CALY: variants seen among roughly 807,000 people sequenced by gnomAD.
CALY encodes the protein neuron-specific vesicular protein calcyon.
Under a neutral mutation model 20.2 loss-of-function variants are expected in CALY, and 15 were observed. The ratio of observed to expected loss-of-function variants is 0.74; its 90% CI spans 0.50 to 1.14. CALY has a LOEUF of 1.14. Ranked by LOEUF, CALY falls within the 50% of genes most tolerant of loss-of-function variation. The pLI is 0.00. For synonymous variants in CALY, 129 were observed against 131.8 expected (o/e 0.98, Z 0.15); for missense variants, 270 against 304.4 (o/e 0.89, Z 0.84).
chr10:133,330,591 G>C (rs1262330262), intron 1 of CALY, among the ~76,000 whole-genome samples: 1 of 136,316 alleles, frequency 7.3e-6, no homozygotes, highest in Non-Finnish European at 1.6e-5. Context: ...CTGGGAGGCG[G>C]AGCTTGCAGT....
intron 1 of CALY, among the ~76,000 whole-genome samples, chr10:133,336,100 C>T (rs1326757233): frequency 6.6e-6 from 1 of 152,114 alleles, no homozygotes; most frequent in South Asian, 2.1e-4. Flanking sequence ...ATCTGAGGGT[C>T]CCGCCCAGCC....
chr10:133,331,466 T>C (rs938471697), intron 1 of CALY, among the ~76,000 whole-genome samples: 14 of 152,204 alleles, frequency 9.2e-5, no homozygotes, highest in Admixed American at 3.3e-4. Flanking sequence ...TACATTCCTA[T>C]ATGTCAGTGG....
chr10:133,328,826 AGGGCCCCCACGCT>A lies in CALY; in HGVS notation c.135+16_135+28del, dbSNP rs752542242. 1.3e-6 allele frequency: 2 copies of A among 1,529,054 alleles called. No homozygotes were observed. The highest frequency in any genetic ancestry group is 8.8e-7 in the Non-Finnish European group (1 of 1,138,334). The allele number at this position is 1,529,054 out of a possible 1,614,324, so 94.7% of individuals were successfully genotyped here. A position where few individuals can be genotyped will look rare whatever the true frequency, so the allele number is the denominator to read the frequency against. ...CCTTTGTTCCCAGGGGAGCCTGAGA[AGGGCCCCCACGCT>A]GGCCCAGGCCCTCACCTGGTCAGGG... On this transcript the variant is annotated intron_variant, in intron 2 of 5. Transcript: ENST00000252939.
intron 1 of CALY, among the ~76,000 whole-genome samples, chr10:133,332,486 A>T (rs1274506805): frequency 1.3e-5 from 2 of 152,240 alleles, no homozygotes; most frequent in Admixed American, 1.3e-4. Flanking sequence ...TAACCATAAA[A>T]GGAAATATTG....
chr10:133,336,659 C>G (rs1277780334), intron 1 of CALY, among the ~76,000 whole-genome samples, 175 bp downstream of exon 1: 1 of 152,162 alleles, frequency 6.6e-6, no homozygotes, highest in Non-Finnish European at 1.5e-5. Context: ...TGCACACTCG[C>G]ACCCGCACAC....
intron 1 of CALY, among the ~76,000 whole-genome samples, chr10:133,335,944 G>T (rs549979470): frequency 2.0e-5 from 3 of 152,188 alleles, no homozygotes; most frequent in African/African-American, 7.2e-5. Context: ...CAGGCTCTCA[G>T]TCGAAAGTCC....
intron 1 of CALY, among the ~76,000 whole-genome samples, chr10:133,334,719 G>T (rs373235715): frequency 6.6e-6 from 1 of 151,976 alleles, no homozygotes; most frequent in Non-Finnish European, 1.5e-5. Flanking sequence ...GCCGGTGAAC[G>T]AGGGCTGGGT....
chr10:133,334,028 GA>G (rs1848376555), intron 1 of CALY, among the ~76,000 whole-genome samples: 4 of 29,078 alleles, frequency 1.4e-4, no homozygotes, highest in Admixed American at 3.3e-4. Flanking sequence ...TCTGAGGGGG[GA>G]AGGATCTGAG....
rs59986083 is a variant in CALY, at chr10:133,330,350, CAAAA to C, written c.-20-1345_-20-1342del. On this transcript the variant is annotated intron_variant, in intron 1 of 5. Transcript: ENST00000252939. Reference sequence around the variant, plus strand: ...CCTAGGTGACAGAACGAAACTCTGCCAAAAAAAAAAAAAAAAAAAAAAAAAGGCA... The same window carrying C: ...CCTAGGTGACAGAACGAAACTCTGCCAAAAAAAAAAAAAAAAAAAAAGGCA... Among the ~76,000 whole-genome samples the C allele has an allele frequency of 6.8e-3, 249 of 36,776 alleles. 3 individuals are homozygous for C. In the East Asian group the frequency reaches 0.078, roughly 12 times the overall value. 24.1% of individuals were successfully genotyped at this position (36,776 alleles called of 152,430 possible).
intron 1 of CALY, among the ~76,000 whole-genome samples, chr10:133,330,590 G>A (rs1589853977): frequency 7.6e-6 from 1 of 131,864 alleles, no homozygotes; most frequent in South Asian, 2.7e-4. Context: ...CCTGGGAGGC[G>A]GAGCTTGCAG....
rs569773215 is a variant in CALY at position 133,336,014 on chromosome 10, A to G, written c.-21+820T>C. The stretch of plus-strand genomic sequence containing the variant: ...GCTTCCGCATGCGCCCCCCCCAACC[A>G]TGGAATGCTGCGTCACGCTGGGGGG... On this transcript the variant is annotated intron_variant, in intron 1 of 5. Coordinates refer to ENST00000252939, the MANE Select transcript of CALY (RefSeq NM_015722.4). Among the ~76,000 whole-genome samples, 28 of 151,726 alleles carry G rather than the reference A, an allele frequency of 1.8e-4. 1 individual carries two copies. In the South Asian group the frequency reaches 5.6e-3, roughly 30 times the overall value.
At chr10:133,336,767 G>GCCTCGCAC (rs2133388723) in intron 1 of CALY, 67 bp downstream of exon 1, 1 of 152,446 alleles carries the variant, frequency 6.6e-6, no homozygotes, top group East Asian at 2.0e-4. Context: ...CCGCACACGC[G>GCCTCGCAC]CCTCGCACCC....
chr10:133,331,594 A>T (rs1203619514), intron 1 of CALY, among the ~76,000 whole-genome samples: 1 of 152,218 alleles, frequency 6.6e-6, no homozygotes, highest in African/African-American at 2.4e-5. Flanking sequence ...CAGGGCCTTC[A>T]CATGGAATCC....
At chr10:133,330,348 G>GT (rs1848282506) in intron 1 of CALY, among the ~76,000 whole-genome samples, 1 of 45,804 alleles carries the variant, frequency 2.2e-5, no homozygotes, top group African/African-American at 8.5e-5. Context: ...ACGAAACTCT[G>GT]CCAAAAAAAA....
intron 1 of CALY, among the ~76,000 whole-genome samples, chr10:133,331,413 G>GA (rs1204258909): frequency 6.6e-6 from 1 of 152,208 alleles, no homozygotes; most frequent in Non-Finnish European, 1.5e-5. Context: ...ATCAAAAAGT[G>GA]AGTTTGGCAA....
chr10:133,331,613 C>G (rs1470310405), intron 1 of CALY, among the ~76,000 whole-genome samples: 1 of 152,198 alleles, frequency 6.6e-6, no homozygotes, highest in Non-Finnish European at 1.5e-5. Context: ...CCAGGAAACA[C>G]TGTCGACAGA....
At chr10:133,329,800 T>C (rs1848273617) in intron 1 of CALY, among the ~76,000 whole-genome samples, 1 of 152,240 alleles carries the variant, frequency 6.6e-6, no homozygotes, top group Non-Finnish European at 1.5e-5. Context: ...TCATTTTTAA[T>C]ATAAGAGCAT....
rs879486444 is a variant in CALY, at chr10:133,324,938, C to G, written c.*657G>C. 129 of 212,190 alleles carry G rather than the reference C, an allele frequency of 6.1e-4. No individual in the cohort carries two copies. Among genetic ancestry groups the G allele is most frequent in the Admixed American group, 1.6e-3 (30 of 18,416 alleles). The allele number at this position is 212,190 out of a possible 1,614,324, so 13.1% of individuals were successfully genotyped here. A position where few individuals can be genotyped will look rare whatever the true frequency, so the allele number is the denominator to read the frequency against. ...GGCCCCACTCCCCACTCAGACGCCC[C>G]CATTCACTCCTTTCTTCACTTGGTC... On this transcript the variant is annotated 3_prime_UTR_variant, in exon 6 of 6. Coordinates refer to ENST00000252939, the MANE Select transcript of CALY (RefSeq NM_015722.4).
In CALY at chr10:133,327,836, AC is replaced by A. The variant is rs755241205; in HGVS notation, c.246+68del. The A allele has an allele frequency of 3.8e-5, 40 of 1,046,164 alleles. No individual in the cohort carries two copies. The South Asian group carries it at 5.3e-4, about 14-fold the overall frequency. 64.8% of individuals were successfully genotyped at this position (1,046,164 alleles called of 1,614,324 possible). ...AGACTGGCCTGGACGGAACCCAGGCACCCCCAGCTGCCTTCCACCTTCTCCT... is the reference window on the plus strand; with the variant it reads ...AGACTGGCCTGGACGGAACCCAGGCACCCCAGCTGCCTTCCACCTTCTCCT... On this transcript the variant is annotated intron_variant, in intron 3 of 5. Transcript: ENST00000252939.
Sources: gnomAD v4.1 joint callset for allele counts (sites outside exome capture counted in the v4.1 genomes callset) on GRCh38, gnomAD v4.1.1 for gene constraint, MANE v1.5 for transcripts, NCBI Gene and HGNC (gene_info 2026-07-23, HGNC 2026-07-21) for gene names.